Variants in CDH18 observed in about 807,000 individuals in gnomAD.
The protein encoded by CDH18 is cadherin-18.
A neutral mutation model predicts 67.9 loss-of-function variants in CDH18; 31 were observed. That is an observed-to-expected ratio of 0.46 (90% CI 0.34 to 0.62). The LOEUF is 0.62. Ranked by LOEUF, CDH18 falls within the 20% of genes least tolerant of loss-of-function variation. The pLI is 0.01. For missense variants in CDH18, 890 were observed against 975.5 expected, an observed-to-expected ratio of 0.91 and a Z score of 1.17; for synonymous variants, 362 against 347.2, an observed-to-expected ratio of 1.04 and a Z score of -0.48.
At chr5:20,248,767 T>C (rs1743580296) in intron 2 of CDH18, among the ~76,000 whole-genome samples, 1 of 152,224 alleles carries the variant, frequency 6.6e-6, no homozygotes, top group African/African-American at 2.4e-5. Context: ...GAACTTAATA[T>C]GATTATTTTT....
chr5:20,360,769 AT>A (rs1353690256), intron 1 of CDH18, among the ~76,000 whole-genome samples: 7 of 152,140 alleles, frequency 4.6e-5, no homozygotes, highest in Admixed American at 2.6e-4. Flanking sequence ...TAGTATTGTT[AT>A]TGCTATTGCT....
At chr5:19,678,501 T>C (rs1251061362) in intron 5 of CDH18, among the ~76,000 whole-genome samples, 5 of 152,048 alleles carry the variant, frequency 3.3e-5, no homozygotes, top group Middle Eastern at 3.4e-3. Context: ...GGGAAGATTA[T>C]AGCTCTTAAT....
chr5:19,514,424 G>A (rs745983635), intron 10 of CDH18, among the ~76,000 whole-genome samples: 9 of 152,166 alleles, frequency 5.9e-5, no homozygotes, highest in Admixed American at 2.6e-4. Flanking sequence ...TCTCCACACC[G>A]TCTTCCACAA....
At chr5:20,045,726 GACATTTGAA>G (rs1740839205) in intron 2 of CDH18, among the ~76,000 whole-genome samples, 1 of 151,896 alleles carries the variant, frequency 6.6e-6, no homozygotes, top group Non-Finnish European at 1.5e-5. Flanking sequence ...CACCTGAGAA[GACATTTGAA>G]AAGAGACTTG....
At chr5:19,474,783 A>G (rs1738161477) in intron 12 of CDH18, among the ~76,000 whole-genome samples, 1 of 152,118 alleles carries the variant, frequency 6.6e-6, no homozygotes, top group Non-Finnish European at 1.5e-5. Flanking sequence ...AGCTCTTGCT[A>G]AATATGGTGG....
At chr5:20,431,504 A>AAAAAAAAAAAAAAAAAAAAAAAAGAAG (rs536468948) in intron 1 of CDH18, among the ~76,000 whole-genome samples, 2 of 138,736 alleles carry the variant, frequency 1.4e-5, no homozygotes, top group African/African-American at 2.7e-5. Context: ...AAAAAAAAAA[A>AAAAAAAAAAAAAAAAAAAAAAAAGAAG]AAGAAGAAGA....
At chr5:20,285,364 A>G (rs1746606371) in intron 1 of CDH18, among the ~76,000 whole-genome samples, 1 of 147,578 alleles carries the variant, frequency 6.8e-6, no homozygotes, top group African/African-American at 2.5e-5. Context: ...ATATAATCTG[A>G]GGCATGTAAT....
intron 1 of CDH18, among the ~76,000 whole-genome samples, chr5:20,532,170 C>T (rs1756443350): frequency 6.6e-6 from 1 of 152,042 alleles, no homozygotes; most frequent in Admixed American, 6.6e-5. Flanking sequence ...AAGAAGACAA[C>T]TAAACACTAA....
At chr5:20,279,247 G>C (rs1270698613) in intron 1 of CDH18, among the ~76,000 whole-genome samples, 1 of 151,866 alleles carries the variant, frequency 6.6e-6, no homozygotes, top group Non-Finnish European at 1.5e-5. Flanking sequence ...AGCATAAGTA[G>C]CTATATTTAT....
chr5:19,521,010 C>T (rs559778271), intron 9 of CDH18, among the ~76,000 whole-genome samples: 3 of 152,180 alleles, frequency 2.0e-5, no homozygotes, highest in East Asian at 3.9e-4. Flanking sequence ...TTTGTCATAT[C>T]AAGGAAATTA....
intron 1 of CDH18, among the ~76,000 whole-genome samples, chr5:20,374,355 A>G (rs1013760317): frequency 3.3e-5 from 5 of 152,224 alleles, no homozygotes; most frequent in Admixed American, 3.3e-4. Flanking sequence ...AAATGTATTG[A>G]GTGAATAAAA....
At chr5:19,973,078 T>C (rs746383307) in intron 2 of CDH18, among the ~76,000 whole-genome samples, 12 of 151,904 alleles carry the variant, frequency 7.9e-5, no homozygotes, top group Admixed American at 6.6e-5. Flanking sequence ...ATTTATAAAA[T>C]GGAATAATCT....
At chr5:19,504,907 T>A (rs539775827) in intron 10 of CDH18, among the ~76,000 whole-genome samples, 1 of 152,264 alleles carries the variant, frequency 6.6e-6, no homozygotes, top group African/African-American at 2.4e-5. Flanking sequence ...GTTTCTGTTA[T>A]CACTGCTGTG....
chr5:19,690,715 C>A (rs1761750272), intron 5 of CDH18, among the ~76,000 whole-genome samples: 1 of 151,472 alleles, frequency 6.6e-6, no homozygotes, highest in Non-Finnish European at 1.5e-5. Context: ...TACAACCTAC[C>A]AAGATTAATT....
chr5:20,093,924 A>AG (rs754619098), intron 2 of CDH18, among the ~76,000 whole-genome samples: 1 of 152,212 alleles, frequency 6.6e-6, no homozygotes, highest in Non-Finnish European at 1.5e-5. Context: ...TGTTTTGAAG[A>AG]GAAAGGAGAA....
intron 2 of CDH18, among the ~76,000 whole-genome samples, chr5:19,970,302 T>G (rs1797901277): frequency 6.6e-6 from 1 of 151,616 alleles, no homozygotes; most frequent in African/African-American, 2.4e-5. Flanking sequence ...CCCTAAAAAT[T>G]ACTGATACTG....
chr5:19,589,947 G>T (rs1214361769), intron 7 of CDH18, among the ~76,000 whole-genome samples: 2 of 151,936 alleles, frequency 1.3e-5, no homozygotes, highest in Non-Finnish European at 2.9e-5. Context: ...AAATATTCTA[G>T]ATTTTTCCCC....
At chr5:20,497,479 TAA>T (rs1753980536) in intron 1 of CDH18, among the ~76,000 whole-genome samples, 1 of 152,122 alleles carries the variant, frequency 6.6e-6, no homozygotes, top group East Asian at 1.9e-4. Flanking sequence ...GAATGCTGTA[TAA>T]GTTTGTAGCC....
chr5:19,977,508 G>C (rs1434855242), intron 2 of CDH18, among the ~76,000 whole-genome samples: 3 of 152,106 alleles, frequency 2.0e-5, no homozygotes, highest in Non-Finnish European at 4.4e-5. Flanking sequence ...CACTCCATTT[G>C]CATACTCCAT....
Sources: gnomAD v4.1 joint callset for allele counts (sites outside exome capture counted in the v4.1 genomes callset) on GRCh38, gnomAD v4.1.1 for gene constraint, MANE v1.5 for transcripts, NCBI Gene and HGNC (gene_info 2026-07-23, HGNC 2026-07-21) for gene names.